Variants in CFAP221 observed in about 807,000 individuals in gnomAD.
CFAP221 encodes cilia- and flagella-associated protein 221.
In CFAP221, 97 loss-of-function variants were observed where a neutral mutation model predicts 113.1. That is an observed-to-expected ratio of 0.86 (90% confidence interval 0.73 to 1.02). CFAP221 has a LOEUF of 1.02. Among genes scored for constraint, CFAP221 ranks in the 50% least tolerant of loss-of-function variants. The probability of loss-of-function intolerance (pLI) is 0.00; values close to 1 mark genes in which losing one functional copy is unlikely to be tolerated. For synonymous variants in CFAP221, 331 were observed against 354.4 expected, an observed-to-expected ratio of 0.93 and a Z score of 0.74; for missense variants, 1,025 against 1,013.4, an observed-to-expected ratio of 1.01 and a Z score of -0.16.
At chr2:119,626,577 A>T (rs1671583744) in intron 15 of CFAP221, among the ~76,000 whole-genome samples, 1 of 152,034 alleles carries the variant, frequency 6.6e-6, no homozygotes, top group African/African-American at 2.4e-5. Flanking sequence ...TATTTTCTCA[A>T]CCTAGCATTT....
intron 15 of CFAP221, among the ~76,000 whole-genome samples, chr2:119,626,639 T>C (rs1244078596): frequency 6.6e-6 from 1 of 152,182 alleles, no homozygotes; most frequent in African/African-American, 2.4e-5. Context: ...TAAGGAAATT[T>C]CCATGCTGGC....
chr2:119,616,089 T>C (rs1051079003), intron 14 of CFAP221, among the ~76,000 whole-genome samples: 1 of 152,234 alleles, frequency 6.6e-6, no homozygotes, highest in African/African-American at 2.4e-5. Flanking sequence ...AAATTTATAA[T>C]TGACACATAA....
intron 6 of CFAP221, among the ~76,000 whole-genome samples, chr2:119,584,451 G>C (rs939639626): frequency 6.6e-6 from 1 of 152,052 alleles, no homozygotes; most frequent in Non-Finnish European, 1.5e-5. Flanking sequence ...GCTAGGTATG[G>C]TGATGCACAC....
intron 7 of CFAP221, among the ~76,000 whole-genome samples, chr2:119,599,198 T>C (rs1478881234): frequency 1.3e-5 from 2 of 152,192 alleles, no homozygotes; most frequent in Non-Finnish European, 2.9e-5. Flanking sequence ...TCTAAAGCAC[T>C]GTGCTGGGGA....
At chr2:119,656,897 G>A (rs1483441625), downstream of CFAP221, among the ~76,000 whole-genome samples, 4 of 152,068 alleles carry the variant, frequency 2.6e-5, no homozygotes, top group Non-Finnish European at 4.4e-5. Context: ...TATGAATGCT[G>A]GCTCCCCACA....
intron 7 of CFAP221, among the ~76,000 whole-genome samples, chr2:119,591,060 G>A (rs1270820619): frequency 6.6e-6 from 1 of 152,152 alleles, no homozygotes; most frequent in Non-Finnish European, 1.5e-5. Flanking sequence ...CCTTTGGCAA[G>A]GTTCACTTCC....
chr2:119,550,876 C>T (rs1268135306), intron 3 of CFAP221, among the ~76,000 whole-genome samples: 1 of 152,146 alleles, frequency 6.6e-6, no homozygotes, highest in Non-Finnish European at 1.5e-5. Flanking sequence ...AGAAGAAACC[C>T]CACACCCACT....
chr2:119,604,539 G>T, intron 8 of CFAP221, 133 bp from the exon 9 acceptor site: 1 of 784,596 alleles, frequency 1.3e-6, no homozygotes, highest in Non-Finnish European at 1.8e-6. Flanking sequence ...GACCACTGTT[G>T]GGGCACACAT....
chr2:119,548,031 AC>A (rs1172409431), intron 2 of CFAP221, among the ~76,000 whole-genome samples: 1 of 152,062 alleles, frequency 6.6e-6, no homozygotes, highest in Non-Finnish European at 1.5e-5. Context: ...TGGTACAATC[AC>A]AGCTCACTGC....
At chr2:119,575,238 A>G (rs1432478768) in intron 6 of CFAP221, among the ~76,000 whole-genome samples, 1 of 152,206 alleles carries the variant, frequency 6.6e-6, no homozygotes, top group East Asian at 1.9e-4. Flanking sequence ...GATGCTTTTC[A>G]TGTCCCTTCA....
intron 7 of CFAP221, among the ~76,000 whole-genome samples, chr2:119,597,327 C>T (rs1472833719): frequency 1.3e-5 from 2 of 152,190 alleles, no homozygotes; most frequent in Non-Finnish European, 2.9e-5. Context: ...CTCTGTTGCC[C>T]ACACTCCCTG....
intron 6 of CFAP221, among the ~76,000 whole-genome samples, chr2:119,571,095 T>G (rs1442112805): frequency 6.6e-6 from 1 of 150,898 alleles, no homozygotes; most frequent in African/African-American, 2.4e-5. Flanking sequence ...AAAAGTTAGC[T>G]AGGTGTGGTT....
chr2:119,627,623 C>T, intron 15 of CFAP221, 30 bp from the exon 16 acceptor site: 1 of 1,609,008 alleles, frequency 6.2e-7, no homozygotes, highest in Non-Finnish European at 8.5e-7. Flanking sequence ...CTTTAGTACC[C>T]CCTAAAAGTG....
At chr2:119,561,061 G>C (rs1357261913) in intron 5 of CFAP221, among the ~76,000 whole-genome samples, 1 of 152,080 alleles carries the variant, frequency 6.6e-6, no homozygotes, top group African/African-American at 2.4e-5. Context: ...GGCCGAGGTG[G>C]GTGGATCACC....
chr2:119,631,812 G>T, intron 19 of CFAP221, among the ~76,000 whole-genome samples: 1 of 152,118 alleles, frequency 6.6e-6, no homozygotes. Flanking sequence ...ACCAATGTCA[G>T]GAATGAGGAA....
intron 20 of CFAP221, among the ~76,000 whole-genome samples, chr2:119,639,579 T>A (rs1178614094): frequency 2.0e-5 from 3 of 152,254 alleles, no homozygotes; most frequent in Non-Finnish European, 4.4e-5. Flanking sequence ...AACCTCGCCT[T>A]TGTCTCTAAT....
chr2:119,571,576 T>C (rs1441807398), intron 6 of CFAP221, among the ~76,000 whole-genome samples: 1 of 152,174 alleles, frequency 6.6e-6, no homozygotes, highest in Non-Finnish European at 1.5e-5. Context: ...CACCTCAGCC[T>C]CCTGAGTAGC....
intron 13 of CFAP221, among the ~76,000 whole-genome samples, chr2:119,613,116 C>T (rs1471393516): frequency 4.6e-5 from 7 of 152,230 alleles, no homozygotes. Flanking sequence ...GTCTCACATC[C>T]ACGTCATGCT....
chr2:119,585,058 T>C (rs924025445), intron 6 of CFAP221, among the ~76,000 whole-genome samples: 1 of 152,174 alleles, frequency 6.6e-6, no homozygotes, highest in Non-Finnish European at 1.5e-5. Context: ...GGAGAGTGGC[T>C]GAATAAAGTG....
Sources: allele counts gnomAD v4.1 joint callset (sites outside exome capture counted in the v4.1 genomes callset), GRCh38; gene constraint gnomAD v4.1.1; transcripts MANE v1.5; gene names NCBI Gene and HGNC (gene_info 2026-07-23, HGNC 2026-07-21).